Variants in DUSP16 observed in about 807,000 individuals in gnomAD.
DUSP16 encodes the protein dual specificity protein phosphatase 16.
Under a neutral mutation model 58.3 loss-of-function variants are expected in DUSP16, and 21 were observed. That is an observed-to-expected ratio of 0.36 (90% confidence interval 0.26 to 0.52). The LOEUF is 0.52. Ranked by LOEUF, DUSP16 falls within the 20% of genes least tolerant of loss-of-function variation. The pLI is 0.94. For synonymous variants in DUSP16, 320 were observed against 323.8 expected, an observed-to-expected ratio of 0.99 and a Z score of 0.12; for missense variants, 726 against 819.0, an observed-to-expected ratio of 0.89 and a Z score of 1.39.
intron 6 of DUSP16, among the ~76,000 whole-genome samples, chr12:12,479,895 T>C (rs1292021083): frequency 6.6e-6 from 1 of 152,156 alleles, no homozygotes; most frequent in African/African-American, 2.4e-5. Flanking sequence ...CCCCATCATA[T>C]GCAAATTAAA....
chr12:12,540,944 C>CTT (rs1199026965), intron 1 of DUSP16, among the ~76,000 whole-genome samples: 98 of 100,636 alleles, frequency 9.7e-4, no homozygotes, highest in African/African-American at 2.5e-3. Flanking sequence ...CTTTTCTTTT[C>CTT]TTTTCTTTTT....
chr12:12,542,951 C>A (rs183377407), intron 1 of DUSP16, among the ~76,000 whole-genome samples: 3 of 152,128 alleles, frequency 2.0e-5, no homozygotes, highest in African/African-American at 7.2e-5. Context: ...CCAGAGAGCT[C>A]TCTTTCTTGG....
chr12:12,488,869 C>T (rs1174423294), intron 4 of DUSP16, among the ~76,000 whole-genome samples: 3 of 152,128 alleles, frequency 2.0e-5, no homozygotes, highest in African/African-American at 7.2e-5. Flanking sequence ...CACCTGAGGT[C>T]GGGAGTTTGA....
At chr12:12,517,400 GC>G (rs1944169389) in intron 3 of DUSP16, among the ~76,000 whole-genome samples, 1 of 152,136 alleles carries the variant, frequency 6.6e-6, no homozygotes, top group South Asian at 2.1e-4. Flanking sequence ...AAACTAGGGT[GC>G]TTTTCAGTTA....
chr12:12,498,260 A>G (rs1943859623), intron 4 of DUSP16, among the ~76,000 whole-genome samples: 1 of 152,146 alleles, frequency 6.6e-6, no homozygotes, highest in Admixed American at 6.5e-5. Flanking sequence ...GAATTCATGT[A>G]ACATTTTTGG....
intron 3 of DUSP16, among the ~76,000 whole-genome samples, chr12:12,514,720 G>A (rs1340363129): frequency 6.6e-6 from 1 of 152,166 alleles, no homozygotes; most frequent in African/African-American, 2.4e-5. Flanking sequence ...CCAGGCTGGA[G>A]TTCAGTGGCA....
chr12:12,501,199 T>C (rs1943904810), intron 3 of DUSP16, among the ~76,000 whole-genome samples: 1 of 152,186 alleles, frequency 6.6e-6, no homozygotes, highest in African/African-American at 2.4e-5. Flanking sequence ...ACAAACATAC[T>C]CCCACCTACG....
At position 12,542,600 on chromosome 12, in the gene DUSP16, C is replaced by T. The variant is rs1188673631; in HGVS notation, c.-366+19517G>A. 3.3e-5 allele frequency among the ~76,000 whole-genome samples: 5 copies of T among 152,006 alleles called. No homozygotes were observed. The East Asian group carries it at 7.7e-4, about 24-fold the overall frequency. ...ATACCAAAAACCACTGCATTGCACACCTTCAAAGACGAATTTTACGACTGA... is the reference window on the plus strand; with the variant it reads ...ATACCAAAAACCACTGCATTGCACATCTTCAAAGACGAATTTTACGACTGA... On this transcript the variant is annotated intron_variant, in intron 1 of 6. Transcript: ENST00000298573.
intron 4 of DUSP16, among the ~76,000 whole-genome samples, chr12:12,495,033 G>T (rs1212407301): frequency 6.6e-6 from 1 of 152,126 alleles, no homozygotes; most frequent in South Asian, 2.1e-4. Flanking sequence ...TCTTGGGAAG[G>T]TTACCTAACC....
intron 4 of DUSP16, among the ~76,000 whole-genome samples, chr12:12,497,019 A>C (rs1457034678): frequency 6.6e-6 from 1 of 152,200 alleles, no homozygotes; most frequent in Non-Finnish European, 1.5e-5. Context: ...GCTACTGAGC[A>C]CCTAAAATGT....
chr12:12,507,799 G>C (rs1944019458), intron 3 of DUSP16, among the ~76,000 whole-genome samples: 1 of 152,208 alleles, frequency 6.6e-6, no homozygotes, highest in Non-Finnish European at 1.5e-5. Flanking sequence ...AGTAAACACG[G>C]GGTTTCTCCA....
rs150609130 is a variant in DUSP16, at chr12:12,523,373, A to G, written c.-365-1910T>C. On this transcript the variant is annotated intron_variant, in intron 1 of 6. Coordinates refer to ENST00000298573, the MANE Select transcript of DUSP16 (RefSeq NM_030640.3). ...AAGCTGGCTTGCATCTGGCATCTGA[A>G]AGACATCACTCACAGATAAAAACAG... Among the ~76,000 whole-genome samples, 76 of 152,344 alleles carry G rather than the reference A, an allele frequency of 5.0e-4. No individual in the cohort carries two copies. The East Asian group carries it at 0.013, about 27-fold the overall frequency.
intron 5 of DUSP16, among the ~76,000 whole-genome samples, chr12:12,483,006 G>A (rs1943603222): frequency 3.3e-5 from 5 of 152,152 alleles, no homozygotes; most frequent in Admixed American, 2.0e-4. Flanking sequence ...CGCTGCACCT[G>A]GCCAAGGCTA....
chr12:12,536,858 A>G (rs1232115362), intron 1 of DUSP16, among the ~76,000 whole-genome samples: 2 of 152,090 alleles, frequency 1.3e-5, no homozygotes, highest in African/African-American at 2.4e-5. Context: ...ACAAACATGG[A>G]GAAACCCCCA....
At chr12:12,516,865 G>A (rs1944161926) in intron 3 of DUSP16, among the ~76,000 whole-genome samples, 1 of 152,180 alleles carries the variant, frequency 6.6e-6, no homozygotes, top group Admixed American at 6.5e-5. Context: ...GCTAGGCCTT[G>A]CGGGAACACA....
At chr12:12,487,279 G>T (rs767957564) in intron 4 of DUSP16, 92 bp from the exon 5 acceptor site, 30 of 1,370,312 alleles carry the variant, frequency 2.2e-5, no homozygotes, top group Non-Finnish European at 3.0e-5. Context: ...TGATAAAAAT[G>T]CCCAGTTTCC....
intron 4 of DUSP16, among the ~76,000 whole-genome samples, chr12:12,487,548 G>A (rs528785858): frequency 1.3e-5 from 2 of 152,134 alleles, no homozygotes; most frequent in Admixed American, 1.3e-4. Flanking sequence ...CTTCCCACAC[G>A]GAACACGCTG....
intron 1 of DUSP16, among the ~76,000 whole-genome samples, chr12:12,535,834 T>A (rs1944454870): frequency 6.6e-6 from 1 of 152,208 alleles, no homozygotes; most frequent in Non-Finnish European, 1.5e-5. Flanking sequence ...AGGAAGATGA[T>A]TCCAGATGCA....
chr12:12,505,261 C>T lies in DUSP16; in HGVS notation c.368-4579G>A, dbSNP rs138108423. Reference sequence around the variant, plus strand: ...ACTCTCCCTTGGATGCAGGGACAGCCTTGCTGATGATATTCATGGGGTCCT... The same window carrying T: ...ACTCTCCCTTGGATGCAGGGACAGCTTTGCTGATGATATTCATGGGGTCCT... On this transcript the variant is annotated intron_variant, in intron 3 of 6. Coordinates refer to ENST00000298573, the MANE Select transcript of DUSP16 (RefSeq NM_030640.3). 2.4e-3 allele frequency among the ~76,000 whole-genome samples: 365 copies of T among 152,342 alleles called. 1 individual carries two copies. Among genetic ancestry groups the T allele is most frequent in the African/African-American group, 8.4e-3 (350 of 41,576 alleles).
Sources: allele counts gnomAD v4.1 joint callset (sites outside exome capture counted in the v4.1 genomes callset), GRCh38; gene constraint gnomAD v4.1.1; transcripts MANE v1.5; gene names NCBI Gene and HGNC (gene_info 2026-07-23, HGNC 2026-07-21).